Variants in CEP128 observed in about 807,000 individuals in gnomAD.
CEP128 encodes the protein centrosomal protein 128kDa.
A neutral mutation model predicts 156.7 loss-of-function variants in CEP128; 132 were observed. That is an observed-to-expected ratio of 0.84 (90% CI 0.73 to 0.97). The LOEUF (loss-of-function observed/expected upper bound fraction) is 0.97. CEP128 is among the 50% of genes least tolerant of loss of function. CEP128 has a pLI of 0.00. For missense variants in CEP128, 1,252 were observed against 1,281.9 expected, an observed-to-expected ratio of 0.98 and a Z score of 0.36; for synonymous variants, 469 against 448.9, an observed-to-expected ratio of 1.04 and a Z score of -0.57.
At chr14:80,593,434 G>T (rs938546815) in intron 19 of CEP128, among the ~76,000 whole-genome samples, 1 of 151,502 alleles carries the variant, frequency 6.6e-6, no homozygotes, top group Non-Finnish European at 1.5e-5. Context: ...CCAGCTACTC[G>T]GGTGACTGAG....
At chr14:80,949,465 G>A (rs527249697) in intron 2 of CEP128, among the ~76,000 whole-genome samples, 2 of 152,194 alleles carry the variant, frequency 1.3e-5, no homozygotes, top group East Asian at 3.9e-4. Flanking sequence ...AATGAGGCTG[G>A]AGAAAAAAGC....
intron 13 of CEP128, among the ~76,000 whole-genome samples, chr14:80,820,355 G>A (rs1375944019): frequency 6.6e-6 from 1 of 152,186 alleles, no homozygotes; most frequent in Non-Finnish European, 1.5e-5. Context: ...ACCTCTGAAT[G>A]ATCATATCTT....
chr14:80,718,621 C>T (rs1197210842), intron 19 of CEP128, among the ~76,000 whole-genome samples: 1 of 152,164 alleles, frequency 6.6e-6, no homozygotes. Context: ...CTTAGTTTCA[C>T]GTGATCTTGT....
chr14:80,794,529 A>G (rs989503465), intron 13 of CEP128, among the ~76,000 whole-genome samples: 1 of 152,140 alleles, frequency 6.6e-6, no homozygotes, highest in African/African-American at 2.4e-5. Flanking sequence ...TCTTATTCTA[A>G]AAGTTTTACC....
chr14:80,589,963 A>C (rs1891979293), intron 19 of CEP128, among the ~76,000 whole-genome samples: 1 of 152,154 alleles, frequency 6.6e-6, no homozygotes, highest in Non-Finnish European at 1.5e-5. Context: ...CTGAATTTGA[A>C]AATTCAGGTA....
At chr14:80,926,349 A>G (rs540863735) in intron 2 of CEP128, among the ~76,000 whole-genome samples, 5 of 152,266 alleles carry the variant, frequency 3.3e-5, no homozygotes, top group Admixed American at 3.3e-4. Context: ...TGCCAAGTTC[A>G]TGGGAGCTGA....
chr14:80,527,316 G>A (rs1005769386), intron 22 of CEP128: 4 of 406,354 alleles, frequency 9.8e-6, no homozygotes, highest in African/African-American at 6.2e-5. Flanking sequence ...TGTAGTCCCA[G>A]CTACTCAGGA....
intron 8 of CEP128, among the ~76,000 whole-genome samples, chr14:80,864,019 G>A (rs1013161873): frequency 2.0e-5 from 3 of 152,188 alleles, no homozygotes; most frequent in Non-Finnish European, 2.9e-5. Context: ...TACCACTGCT[G>A]AGATAGCAAG....
intron 21 of CEP128, among the ~76,000 whole-genome samples, chr14:80,550,946 G>C (rs552596657): frequency 6.6e-6 from 1 of 152,042 alleles, no homozygotes; most frequent in South Asian, 2.1e-4. Flanking sequence ...GAATAAGACA[G>C]GGTTTCATTT....
intron 17 of CEP128, among the ~76,000 whole-genome samples, chr14:80,757,979 T>C (rs905293178): frequency 5.9e-5 from 9 of 152,222 alleles, no homozygotes; most frequent in African/African-American, 1.9e-4. Flanking sequence ...GTTCACAGTA[T>C]TTCCTTCCTC....
chr14:80,539,843 G>T (rs1222251043), intron 21 of CEP128, among the ~76,000 whole-genome samples: 5 of 152,074 alleles, frequency 3.3e-5, no homozygotes, highest in Admixed American at 3.3e-4. Flanking sequence ...CTGGGGGGAG[G>T]TCTATAAACA....
intron 8 of CEP128, among the ~76,000 whole-genome samples, chr14:80,880,266 T>C (rs1295237014): frequency 6.6e-6 from 1 of 152,068 alleles, no homozygotes; most frequent in Non-Finnish European, 1.5e-5. Context: ...AAAGCATTTA[T>C]CGAAGTCCAA....
intron 8 of CEP128, among the ~76,000 whole-genome samples, chr14:80,870,947 C>T (rs1248151192): frequency 2.0e-5 from 3 of 149,998 alleles, no homozygotes; most frequent in Middle Eastern, 3.2e-3. Context: ...CATTTCTATA[C>T]ATAACAACTC....
chr14:80,904,718 T>A, intron 6 of CEP128, 95 bp downstream of exon 6: 1 of 762,050 alleles, frequency 1.3e-6, no homozygotes, highest in South Asian at 1.6e-5. Context: ...AAATTCTTGG[T>A]TAAAATATAG....
intron 21 of CEP128, among the ~76,000 whole-genome samples, chr14:80,554,090 C>T (rs764556083): frequency 4.6e-5 from 7 of 152,154 alleles, no homozygotes; most frequent in South Asian, 4.2e-4. Flanking sequence ...GGAATCAATG[C>T]TTCTTATTCA....
chr14:80,523,211 G>T (rs1421919047), intron 23 of CEP128, among the ~76,000 whole-genome samples: 1 of 152,206 alleles, frequency 6.6e-6, no homozygotes, highest in East Asian at 1.9e-4. Flanking sequence ...TATTCCAACA[G>T]TTATTTGTCT....
intron 4 of CEP128, among the ~76,000 whole-genome samples, chr14:80,909,288 A>T (rs531715590): frequency 1.3e-3 from 200 of 152,096 alleles, no homozygotes; most frequent in Non-Finnish European, 1.8e-3. Context: ...CCAAAAGCAG[A>T]TCTTGCCAGC....
chr14:80,634,373 G>A (rs1264938978), intron 19 of CEP128, among the ~76,000 whole-genome samples: 4 of 152,140 alleles, frequency 2.6e-5, no homozygotes, highest in Non-Finnish European at 5.9e-5. Context: ...TGGATGGAAA[G>A]TTTTAAAGCA....
At chr14:80,839,663 C>T (rs1325150673) in intron 10 of CEP128, among the ~76,000 whole-genome samples, 4 of 151,936 alleles carry the variant, frequency 2.6e-5, no homozygotes, top group Middle Eastern at 3.2e-3. Context: ...TGCATGGGAC[C>T]TCTCTGTGCA....
Sources: allele counts gnomAD v4.1 joint callset (sites outside exome capture counted in the v4.1 genomes callset), GRCh38; gene constraint gnomAD v4.1.1; transcripts MANE v1.5; gene names NCBI Gene and HGNC (gene_info 2026-07-23, HGNC 2026-07-21).